ANO9: variants seen among roughly 807,000 people sequenced by gnomAD.
The protein encoded by ANO9 is anoctamin 9.
In ANO9, 80 loss-of-function variants were observed where a neutral mutation model predicts 100.5. That is an observed-to-expected ratio of 0.80 (90% CI 0.66 to 0.96). The LOEUF is 0.96. Among genes scored for constraint, ANO9 ranks in the 40% least tolerant of loss-of-function variants. The pLI, the probability that ANO9 is intolerant of heterozygous loss-of-function variation, is 0.00. For synonymous variants in ANO9, 473 were observed against 435.6 expected (o/e 1.09, Z -1.07); for missense variants, 1,064 against 1,072.7 (o/e 0.99, Z 0.11).
chr11:434,140 T>C (rs2133707166), intron 1 of ANO9, 42 bp from the exon 2 acceptor site: 2 of 1,544,530 alleles, frequency 1.3e-6, no homozygotes, highest in Middle Eastern at 1.7e-4. Context: ...AGGATGTGAT[T>C]GGGGGCTAGA....
chr11:421,188 G>A lies in ANO9; in HGVS notation c.1345C>T (p.His449Tyr), dbSNP rs768008681. Reference sequence around the variant, plus strand: ...GCCAGGCGCGTGGACTTCCCGGGGTGGCCGTTGATCCTGGGGAGGAAGGGG... The same window carrying A: ...GCCAGGCGCGTGGACTTCCCGGGGTAGCCGTTGATCCTGGGGAGGAAGGGG... ...IAFILGRINGHPGKSTRLAGL... is the reference protein window; with the variant it reads ...IAFILGRINGYPGKSTRLAGL... The change falls in exon 16 of 23, where the codon CAC becomes TAC. Residue 449 changes from histidine to tyrosine, a missense_variant. Physicochemically the swap from His to Tyr is moderately conservative, Grantham distance 83. Coordinates refer to ENST00000332826, the MANE Select transcript of ANO9 (RefSeq NM_001012302.3). This position sits in a 1 kb window ranked among gnomAD's most constrained non-coding sequence, Gnocchi z 6.8. The A allele has an allele frequency of 1.3e-6, 2 of 1,553,742 alleles. No homozygotes were observed. Among genetic ancestry groups the A allele is most frequent in the Non-Finnish European group, 8.7e-7 (1 of 1,146,564 alleles).
chr11:440,239 C>T (rs929457114), intron 1 of ANO9, among the ~76,000 whole-genome samples: 1 of 152,140 alleles, frequency 6.6e-6, no homozygotes, highest in Non-Finnish European at 1.5e-5. Context: ...GTCCTTGGTA[C>T]TTCAGCTTTG....
rs1564924341 is a variant in ANO9, at chr11:431,894, T to A, written c.419A>T (p.Asp140Val). 6.2e-7 allele frequency: 1 copy of A among 1,610,530 alleles called. No individual in the cohort carries two copies. The highest frequency in any genetic ancestry group is 1.1e-5 in the South Asian group (1 of 90,982). ...CTCAAAGACCCCGTCCTTCATCAGATCCTCGAAGGTCTCTGGGTCACAGGG... is the reference window on the plus strand; with the variant it reads ...CTCAAAGACCCCGTCCTTCATCAGAACCTCGAAGGTCTCTGGGTCACAGGG... ...NKTSAGETFE[D>V]LMKDGVFEAR... The change falls in exon 6 of 23, where the codon GAT becomes GTT. Residue 140 changes from aspartate to valine, a missense_variant. Transcript: ENST00000332826.
chr11:431,765 C>T lies in ANO9; in HGVS notation c.468G>A (p.Gly156=), dbSNP rs1049037432. The change falls in exon 7 of 23, where the codon GGG becomes GGA. Residue 156 remains glycine (G), a splice_region_variant and synonymous_variant. Transcript: ENST00000332826. ...CCCACGTCTTCTTCAGGCGTCCCTC[C>T]CCCTGGCTCGGGTGACAGAGAGTGA... The part of the protein sequence containing the change: ...VFEARFPLHK[G]EGRLKKTWAR... 6.2e-7 allele frequency: 1 copy of T among 1,612,602 alleles called. No individual in the cohort carries two copies. The highest frequency in any genetic ancestry group is 8.5e-7 in the Non-Finnish European group (1 of 1,179,580).
At chr11:427,461 G>A (rs1165558645) in intron 15 of ANO9, among the ~76,000 whole-genome samples, 2 of 152,182 alleles carry the variant, frequency 1.3e-5, no homozygotes, top group Non-Finnish European at 2.9e-5. Context: ...GCCAGGTGCA[G>A]TGGCTCACGC....
chr11:418,429 G>A lies in ANO9; in HGVS notation c.2291C>T (p.Pro764Leu), dbSNP rs1416606666. The A allele has an allele frequency of 3.0e-5, 49 of 1,612,488 alleles. No individual in the cohort carries two copies. The highest frequency in any genetic ancestry group is 4.2e-5 in the Non-Finnish European group (49 of 1,179,832). ...LGGVGAGSRP[P>L]MPAHPTPASI... is the part of the protein sequence containing the mutation. ...TGCTGGGGTGGGATGGGCAGGCATT[G>A]GGGGCCGAGAGCCTGCCCCCACCCC... is the stretch of plus-strand genomic sequence containing the variant. The change falls in exon 23 of 23, where the codon CCA becomes CTA. Residue 764 changes from proline (P) to leucine (L), a missense_variant. Pro to Leu is a moderately conservative substitution (Grantham distance 98). Transcript: ENST00000332826.
In ANO9 at chr11:419,737, A is replaced by G; in HGVS notation, c.1787-8T>C. 6.2e-7 allele frequency: 1 copy of G among 1,612,444 alleles called. No individual in the cohort carries two copies. The highest frequency in any genetic ancestry group is 8.5e-7 in the Non-Finnish European group (1 of 1,179,622). ...GCACCTGCAGCCAGGTCCCTGCACC[A>G]GAGCAGTGGGCAAGCGGTCTGACTC... On this transcript the variant is annotated splice_region_variant and splice_polypyrimidine_tract_variant and intron_variant, in intron 19 of 22. Transcript: ENST00000332826.
chr11:424,177 A>T (rs1044007284), intron 15 of ANO9, among the ~76,000 whole-genome samples: 1 of 152,246 alleles, frequency 6.6e-6, no homozygotes, highest in Admixed American at 6.5e-5. Context: ...TTCAGGCATA[A>T]GCCACTGCAC....
chr11:436,004 G>A (rs1210597770), intron 1 of ANO9, among the ~76,000 whole-genome samples: 1 of 146,548 alleles, frequency 6.8e-6, no homozygotes, highest in African/African-American at 2.5e-5. Context: ...TGTTGTTTAT[G>A]TGACATTGTG....
chr11:435,215 G>A (rs184066078), intron 1 of ANO9, among the ~76,000 whole-genome samples: 2 of 150,070 alleles, frequency 1.3e-5, no homozygotes, highest in Non-Finnish European at 3.0e-5. Context: ...TATAGCATAG[G>A]GTAGCATAGG....
chr11:429,395 A>G (rs1028879512), intron 11 of ANO9, 175 bp downstream of exon 11: 2 of 1,427,068 alleles, frequency 1.4e-6, no homozygotes, highest in Admixed American at 4.8e-5. Flanking sequence ...GTGGGGAGAC[A>G]GACACAGGGA....
At chr11:437,269 T>G (rs1372670911) in intron 1 of ANO9, among the ~76,000 whole-genome samples, 1 of 152,152 alleles carries the variant, frequency 6.6e-6, no homozygotes, top group Non-Finnish European at 1.5e-5. Flanking sequence ...GAAAATTGTC[T>G]TCTGCGAAAC....
intron 14 of ANO9, 46 bp downstream of exon 14, chr11:428,312 G>T: frequency 6.2e-7 from 1 of 1,611,130 alleles, no homozygotes; most frequent in Non-Finnish European, 8.5e-7. Context: ...CCAGCCCTGA[G>T]TCCTCCCGCC....
rs1269667728 is a variant in ANO9 at position 432,107 on chromosome 11, A to G, written c.351-53T>C. 6.3e-7 allele frequency: 1 copy of G among 1,599,654 alleles called. No homozygotes were observed. The highest frequency in any genetic ancestry group is 8.5e-7 in the Non-Finnish European group (1 of 1,170,806). On this transcript the variant is annotated intron_variant, in intron 4 of 22. Coordinates refer to ENST00000332826, the MANE Select transcript of ANO9 (RefSeq NM_001012302.3). This position sits in a 1 kb window ranked among gnomAD's most constrained non-coding sequence, Gnocchi z 4.8. ...TGTGACCACAGTGGACCCTGCCTCC[A>G]GGTCTCAACCTGCCCTCTGGTCTGG... is the stretch of plus-strand genomic sequence containing the variant.
intron 7 of ANO9, among the ~76,000 whole-genome samples, chr11:430,942 C>G (rs1197147782): frequency 5.8e-4 from 1 of 1,720 alleles, no homozygotes; most frequent in Non-Finnish European, 7.8e-4. Context: ...GGGCTCCCGC[C>G]GGTATCTAGG....
In ANO9 at chr11:422,737, T is replaced by A. The variant is rs1848266621; in HGVS notation, c.1335-1539A>T. 6.6e-6 allele frequency among the ~76,000 whole-genome samples: 1 copy of A among 152,218 alleles called. No homozygotes were observed. Among genetic ancestry groups the A allele is most frequent in the East Asian group, 1.9e-4 (1 of 5,204 alleles). On this transcript the variant is annotated intron_variant, in intron 15 of 22. Coordinates refer to ENST00000332826, the MANE Select transcript of ANO9 (RefSeq NM_001012302.3). This position sits in a 1 kb window ranked among gnomAD's most constrained non-coding sequence, Gnocchi z 4.3. ...GAACTGGGAGGTAATAATTTGATTGTTTGAAGCCACTAAGCTGTGGTCGTT... is the reference window on the plus strand; with the variant it reads ...GAACTGGGAGGTAATAATTTGATTGATTGAAGCCACTAAGCTGTGGTCGTT...
chr11:433,151 C>T (rs887008706), intron 4 of ANO9, 163 bp downstream of exon 4: 35 of 923,674 alleles, frequency 3.8e-5, no homozygotes, highest in Non-Finnish European at 5.1e-5. Context: ...AGCTGAGGCT[C>T]ACACAGCCAG....
Position 419,261 on chromosome 11 carries a change from C to G in ANO9, c.1935-272G>C, listed in dbSNP as rs931533868. On this transcript the variant is annotated intron_variant, in intron 20 of 22. Transcript: ENST00000332826. ...CTGCAGTTTGGTGGCTCCTCGAGGT[C>G]AGAGAGCTGGATAAATCAGAAGAGG... is the stretch of plus-strand genomic sequence containing the variant. The G allele has an allele frequency of 2.1e-6, 3 of 1,419,482 alleles. No homozygotes were observed. In the African/African-American group the frequency reaches 4.3e-5, roughly 20 times the overall value. 87.9% of individuals were successfully genotyped at this position (1,419,482 alleles called of 1,614,324 possible).
At chr11:435,521 A>G (rs1374697109) in intron 1 of ANO9, among the ~76,000 whole-genome samples, 1 of 148,564 alleles carries the variant, frequency 6.7e-6, no homozygotes, top group Middle Eastern at 3.7e-3. Flanking sequence ...CTAGTCTAGT[A>G]TGGTCTAGTC....
Sources: gnomAD v4.1 joint callset for allele counts (sites outside exome capture counted in the v4.1 genomes callset) on GRCh38, gnomAD v4.1.1 for gene constraint, Gnocchi (gnomAD v3.1) non-coding constraint, MANE v1.5 for transcripts, NCBI Gene and HGNC (gene_info 2026-07-23, HGNC 2026-07-21) for gene names.